Variants in TNS3 observed in about 807,000 individuals in gnomAD.
TNS3 encodes tensin 3, also known as tensin-3.
Under a neutral mutation model 140.9 loss-of-function variants are expected in TNS3, and 45 were observed. The ratio of observed to expected loss-of-function variants is 0.32; its 90% CI spans 0.25 to 0.41. The LOEUF (loss-of-function observed/expected upper bound fraction) is 0.41. Among genes scored for constraint, TNS3 ranks in the 10% least tolerant of loss-of-function variants. The pLI is 1.00. For synonymous variants in TNS3, 815 were observed against 788.4 expected (o/e 1.03, Z -0.56); for missense variants, 1,716 against 1,906.7 (o/e 0.90, Z 1.86).
At chr7:47,339,948 A>G (rs1039572539) in intron 20 of TNS3, among the ~76,000 whole-genome samples, 2 of 98,770 alleles carry the variant, frequency 2.0e-5, no homozygotes, top group African/African-American at 3.8e-5. Flanking sequence ...TTGAGCTATT[A>G]TAAGTGGCAT....
chr7:47,562,265 CA>C (rs888112224), intron 1 of TNS3, among the ~76,000 whole-genome samples: 1 of 151,024 alleles, frequency 6.6e-6, no homozygotes, highest in Non-Finnish European at 1.5e-5. Flanking sequence ...CAGAGTTCTG[CA>C]AAAAAAATCT....
intron 3 of TNS3, chr7:47,481,807 G>A: frequency 3.5e-6 from 2 of 566,094 alleles, no homozygotes; most frequent in Non-Finnish European, 4.5e-6. Flanking sequence ...CAGGCACAGG[G>A]AGCCACCAGT....
intron 1 of TNS3, among the ~76,000 whole-genome samples, chr7:47,571,299 A>T (rs1800549041): frequency 6.6e-6 from 1 of 152,200 alleles, no homozygotes; most frequent in Non-Finnish European, 1.5e-5. Flanking sequence ...ACTTCAGAGA[A>T]GTTTGGGGAC....
At chr7:47,541,706 T>C (rs1799792994) in intron 1 of TNS3, among the ~76,000 whole-genome samples, 1 of 152,126 alleles carries the variant, frequency 6.6e-6, no homozygotes, top group Non-Finnish European at 1.5e-5. Context: ...CCCAGCACTT[T>C]GTGAGGCTGA....
intron 28 of TNS3, among the ~76,000 whole-genome samples, chr7:47,280,881 C>G (rs2150538043): frequency 6.6e-6 from 1 of 152,110 alleles, no homozygotes; most frequent in Middle Eastern, 3.4e-3. Context: ...CCACTGCACT[C>G]CAGCTTGGGC....
rs1250707892 is a variant in TNS3, at chr7:47,303,039, C to T, written c.3368G>A (p.Ser1123Asn). The T allele has an allele frequency of 1.9e-6, 3 of 1,614,062 alleles. No individual in the cohort carries two copies. The South Asian group carries it at 3.3e-5, about 18-fold the overall frequency. ...ACTGATGGTGCTCCCGCTGTGCGGG[C>T]TGGAGAAGCCACTGGAGGAGGGAGA... ...SVSPSSSGFS[S>N]PHSGSTISIP... The change falls in exon 22 of 31, where the codon AGC becomes AAC. Residue 1123 changes from serine to asparagine, a missense_variant. Ser to Asn is a conservative substitution (Grantham distance 46, BLOSUM62 1). Transcript: ENST00000311160.
chr7:47,496,454 T>C (rs1198423184), intron 3 of TNS3, among the ~76,000 whole-genome samples: 1 of 152,150 alleles, frequency 6.6e-6, no homozygotes, highest in African/African-American at 2.4e-5. Flanking sequence ...AATGTCAGGC[T>C]GGTAGCTTGG....
chr7:47,566,075 C>T (rs944555056), intron 1 of TNS3, among the ~76,000 whole-genome samples: 4 of 152,132 alleles, frequency 2.6e-5, no homozygotes, highest in Admixed American at 2.6e-4. Flanking sequence ...TAAACCCTGC[C>T]GAGCCGCAAC....
intron 3 of TNS3, among the ~76,000 whole-genome samples, chr7:47,490,214 T>C (rs1797760461): frequency 6.6e-6 from 1 of 152,190 alleles, no homozygotes; most frequent in Non-Finnish European, 1.5e-5. Flanking sequence ...TCCCAACTCA[T>C]GCATTCCTCA....
chr7:47,413,134 A>G (rs1281164861), intron 12 of TNS3, among the ~76,000 whole-genome samples: 1 of 150,536 alleles, frequency 6.6e-6, no homozygotes, highest in Non-Finnish European at 1.5e-5. Flanking sequence ...TTGTATTTTT[A>G]GTAGAGACGG....
At chr7:47,445,279 A>C (rs570165109) in intron 4 of TNS3, among the ~76,000 whole-genome samples, 1 of 152,274 alleles carries the variant, frequency 6.6e-6, no homozygotes, top group Non-Finnish European at 1.5e-5. Context: ...TCCATAGCAC[A>C]ACCCTGAAGA....
chr7:47,437,136 T>C, intron 7 of TNS3, 127 bp downstream of exon 7: 1 of 580,250 alleles, frequency 1.7e-6, no homozygotes, highest in Non-Finnish European at 3.0e-6. Flanking sequence ...AAATAATTGA[T>C]ATGAACAATT....
chr7:47,317,980 T>C (rs1168250527), intron 20 of TNS3, among the ~76,000 whole-genome samples: 4 of 152,242 alleles, frequency 2.6e-5, no homozygotes, highest in African/African-American at 9.6e-5. Context: ...TCTTAGCCAT[T>C]TTTAAGTGTA....
rs545393779 is a variant in TNS3 at position 47,390,341 on chromosome 7, G to A, written c.1024+6459C>T. The stretch of plus-strand genomic sequence containing the variant: ...GGTCTCAGCTTGATCTGGCACTTCC[G>A]GGCCAGCTCTGCACACTGCAGCCAG... On this transcript the variant is annotated intron_variant, in intron 16 of 30. Transcript: ENST00000311160. Among the ~76,000 whole-genome samples, 16 of 152,306 alleles carry A rather than the reference G, an allele frequency of 1.1e-4. 1 individual carries two copies. In the South Asian group the frequency reaches 1.2e-3, roughly 12 times the overall value.
At chr7:47,508,983 G>T (rs1181746739) in intron 2 of TNS3, among the ~76,000 whole-genome samples, 1 of 152,158 alleles carries the variant, frequency 6.6e-6, no homozygotes, top group Non-Finnish European at 1.5e-5. Flanking sequence ...CAGAGACCCT[G>T]AGCCAGAACT....
At position 47,428,323 on chromosome 7, in the gene TNS3, G is replaced by A. The variant is rs376484205; in HGVS notation, c.378C>T (p.Asn126=). 2.0e-5 allele frequency: 29 copies of A among 1,446,466 alleles called. No homozygotes were observed. Among genetic ancestry groups the A allele is most frequent in the Middle Eastern group, 1.8e-4 (1 of 5,456 alleles). 89.6% of individuals were successfully genotyped at this position (1,446,466 alleles called of 1,614,324 possible). Residue 126 remains asparagine, a synonymous_variant, in exon 9 of 31, where the codon AAC becomes AAT. Transcript: ENST00000311160. ...VVISSYMHFT[N]VSASADQALD... ...CATCTTCATCCTACCTGGCTGAGAC[G>A]TTGGTGAAATGCATGTAGGATGATA...
rs1383004672 is a variant in TNS3, at chr7:47,346,332, C to A, written c.2306G>T (p.Gly769Val). The change falls in exon 18 of 31, where the codon GGC becomes GTC. Residue 769 changes from glycine (G) to valine (V), a missense_variant. This residue lies in a region of TNS3 where 1,163 missense variants were observed against 1,182.1 expected (regional missense o/e 0.98). Transcript: ENST00000311160. ...CAGGCTCAGCTTCCTGAGTCTCCCG[C>A]CCAGGGGCTGTTCAGCAGAGGAGCC... ...RQGSSAEQPL[G>V]GRLRKLSLGQ... is the part of the protein sequence containing the mutation. 2 of 1,614,172 alleles carry A rather than the reference C, an allele frequency of 1.2e-6. No individual in the cohort carries two copies. Among genetic ancestry groups the A allele is most frequent in the Non-Finnish European group, 1.7e-6 (2 of 1,180,014 alleles).
At chr7:47,494,012 T>G (rs755015068) in intron 3 of TNS3, among the ~76,000 whole-genome samples, 7 of 152,224 alleles carry the variant, frequency 4.6e-5, no homozygotes, top group Non-Finnish European at 8.8e-5. Context: ...CTGCCACCCC[T>G]GTTCACAAAA....
At chr7:47,485,249 T>C (rs1367044818) in intron 3 of TNS3, among the ~76,000 whole-genome samples, 1 of 152,210 alleles carries the variant, frequency 6.6e-6, no homozygotes, top group Non-Finnish European at 1.5e-5. Flanking sequence ...GGCACACTCC[T>C]GGGGAGGCCC....
Sources: gnomAD v4.1 joint callset for allele counts (sites outside exome capture counted in the v4.1 genomes callset) on GRCh38, gnomAD v4.1.1 for gene constraint, gnomAD v4.1.1 regional missense constraint, MANE v1.5 for transcripts, NCBI Gene and HGNC (gene_info 2026-07-23, HGNC 2026-07-21) for gene names.